ADAMTS20: variants seen among roughly 807,000 people sequenced by gnomAD.
The protein encoded by ADAMTS20 is A disintegrin and metalloproteinase with thrombospondin motifs 20.
In ADAMTS20, 225 loss-of-function variants were observed where a neutral mutation model predicts 260.1. The observed-to-expected ratio is 0.87, with a 90% CI of 0.78 to 0.97. The LOEUF is 0.97. Among genes scored for constraint, ADAMTS20 ranks in the 50% least tolerant of loss-of-function variants. The pLI is 0.00. For missense variants in ADAMTS20, 2,400 were observed against 2,337.7 expected (o/e 1.03, Z -0.55); for synonymous variants, 802 against 769.5 (o/e 1.04, Z -0.70).
At chr12:43,424,003 A>G in intron 28 of ADAMTS20, 1 of 647,452 alleles carries the variant, frequency 1.5e-6, no homozygotes, top group Non-Finnish European at 2.8e-6. Context: ...CCTGAACCAG[A>G]GCTTGACCTA....
chr12:43,527,858 A>G (rs1469797886), intron 3 of ADAMTS20, among the ~76,000 whole-genome samples: 1 of 152,128 alleles, frequency 6.6e-6, no homozygotes, highest in Non-Finnish European at 1.5e-5. Context: ...CAAGAGAAAG[A>G]AATAAAGGGC....
chr12:43,382,527 T>G (rs993661652), intron 31 of ADAMTS20, among the ~76,000 whole-genome samples: 3 of 152,090 alleles, frequency 2.0e-5, no homozygotes, highest in Admixed American at 6.6e-5. Flanking sequence ...GATATTTTTT[T>G]GGGAGTGATA....
intron 29 of ADAMTS20, among the ~76,000 whole-genome samples, chr12:43,397,642 T>C (rs1940731378): frequency 6.6e-6 from 1 of 152,098 alleles, no homozygotes; most frequent in Non-Finnish European, 1.5e-5. Flanking sequence ...ATTTACAAAA[T>C]AAAACAAGTT....
At position 43,468,706 on chromosome 12, in the gene ADAMTS20, C is replaced by A. The variant is rs749432322; in HGVS notation, c.1118-1G>T. 3.3e-6 allele frequency: 5 copies of A among 1,529,782 alleles called. No individual in the cohort carries two copies. Among genetic ancestry groups the A allele is most frequent in the Non-Finnish European group, 4.5e-6 (5 of 1,122,712 alleles). 94.8% of individuals were successfully genotyped at this position (1,529,782 alleles called of 1,614,324 possible). Reference sequence around the variant, plus strand: ...CATATGGTACCTAAATATGATAAACCTGAAAAATTTCACATTTGTATTTCA... The same window carrying A: ...CATATGGTACCTAAATATGATAAACATGAAAAATTTCACATTTGTATTTCA... On this transcript the variant is annotated splice_acceptor_variant, in intron 7 of 38. Coordinates refer to ENST00000389420, the MANE Select transcript of ADAMTS20 (RefSeq NM_025003.5). LOFTEE classifies it high-confidence loss of function.
chr12:43,404,178 G>GGCACAC (rs1940867864), intron 28 of ADAMTS20, among the ~76,000 whole-genome samples: 1 of 145,902 alleles, frequency 6.9e-6, no homozygotes, highest in African/African-American at 2.5e-5. Context: ...ATATTGTGGG[G>GGCACAC]ACACACACAC....
intron 16 of ADAMTS20, among the ~76,000 whole-genome samples, chr12:43,442,299 C>T (rs1941681219): frequency 6.6e-6 from 1 of 151,004 alleles, no homozygotes; most frequent in African/African-American, 2.4e-5. Context: ...CTCTTGTTGC[C>T]CAGGCTGGAG....
chr12:43,393,512 C>A (rs537397861), intron 29 of ADAMTS20, among the ~76,000 whole-genome samples: 14 of 152,074 alleles, frequency 9.2e-5, no homozygotes, highest in African/African-American at 3.1e-4. Flanking sequence ...ACCATTATAG[C>A]TATTGCGGAG....
intron 36 of ADAMTS20, among the ~76,000 whole-genome samples, chr12:43,369,954 TA>T (rs1235647113): frequency 6.6e-6 from 1 of 152,120 alleles, no homozygotes; most frequent in East Asian, 1.9e-4. Context: ...AGAGTCTACA[TA>T]AAGTATCAAA....
chr12:43,532,271 A>T, intron 2 of ADAMTS20, 76 bp from the exon 3 acceptor site: 1 of 1,348,932 alleles, frequency 7.4e-7, no homozygotes, highest in Non-Finnish European at 1.0e-6. Flanking sequence ...CCACAGGTTA[A>T]ATGAGCAGAC....
In ADAMTS20 at chr12:43,375,499, A is replaced by T; in HGVS notation, c.5326T>A (p.Tyr1776Asn). Residue 1776 changes from tyrosine to asparagine, a missense_variant, in exon 36 of 39, where the codon TAT becomes AAT. Coordinates refer to ENST00000389420, the MANE Select transcript of ADAMTS20 (RefSeq NM_025003.5). Reference sequence around the variant, plus strand: ...CTACTCCCATTAAAAGGACATTGATATGGATTTTTTAGTCTGTAACAACAT... The same window carrying T: ...CTACTCCCATTAAAAGGACATTGATTTGGATTTTTTAGTCTGTAACAACAT... ...EVYGFRLKNP[Y>N]QCPFNGSRRE... 6.2e-7 allele frequency: 1 copy of T among 1,613,388 alleles called. No individual in the cohort carries two copies. Among genetic ancestry groups the T allele is most frequent in the Non-Finnish European group, 8.5e-7 (1 of 1,179,536 alleles).
At chr12:43,477,731 C>A (rs756026698) in intron 7 of ADAMTS20, among the ~76,000 whole-genome samples, 70 of 152,120 alleles carry the variant, frequency 4.6e-4, no homozygotes, top group Middle Eastern at 3.4e-3. Context: ...TTTTCAAATT[C>A]TAGGCGGTAA....
At chr12:43,384,103 A>G in intron 29 of ADAMTS20, 126 bp from the exon 30 acceptor site, 1 of 876,808 alleles carries the variant, frequency 1.1e-6, no homozygotes. Flanking sequence ...TGAATTAGAT[A>G]AAAAATACAT....
At chr12:43,445,581 A>C (rs1240670215) in intron 15 of ADAMTS20, among the ~76,000 whole-genome samples, 1 of 152,130 alleles carries the variant, frequency 6.6e-6, no homozygotes, top group Non-Finnish European at 1.5e-5. Flanking sequence ...GTGGTGGTTC[A>C]TGCTTGTAAT....
At chr12:43,437,966 T>C (rs1367412541) in intron 18 of ADAMTS20, among the ~76,000 whole-genome samples, 1 of 151,956 alleles carries the variant, frequency 6.6e-6, no homozygotes, top group Non-Finnish European at 1.5e-5. Context: ...TAAGACAAAA[T>C]GTAGAGTTCT....
Position 43,468,707 on chromosome 12 carries a change from TG to T in ADAMTS20, c.1118-3del. 6.6e-7 allele frequency: 1 copy of T among 1,524,838 alleles called. No homozygotes were observed. Among genetic ancestry groups the T allele is most frequent in the East Asian group, 2.3e-5 (1 of 44,016 alleles). The allele number at this position is 1,524,838 out of a possible 1,614,324, so 94.5% of individuals were successfully genotyped here. ...ATATGGTACCTAAATATGATAAACC[TG>T]AAAAATTTCACATTTGTATTTCATC... On this transcript the variant is annotated splice_region_variant and splice_polypyrimidine_tract_variant and intron_variant, in intron 7 of 38. Coordinates refer to ENST00000389420, the MANE Select transcript of ADAMTS20 (RefSeq NM_025003.5).
At chr12:43,513,269 T>C (rs577509199) in intron 3 of ADAMTS20, among the ~76,000 whole-genome samples, 3 of 152,304 alleles carry the variant, frequency 2.0e-5, no homozygotes, top group Admixed American at 6.5e-5. Flanking sequence ...AGAGTAAATA[T>C]TTTTTATTCT....
At chr12:43,523,164 A>G (rs1440885576) in intron 3 of ADAMTS20, among the ~76,000 whole-genome samples, 1 of 152,000 alleles carries the variant, frequency 6.6e-6, no homozygotes, top group African/African-American at 2.4e-5. Flanking sequence ...CAGGAAATAC[A>G]CCCCCACCAG....
At chr12:43,422,153 C>T (rs765600790) in intron 28 of ADAMTS20, among the ~76,000 whole-genome samples, 11 of 151,948 alleles carry the variant, frequency 7.2e-5, no homozygotes, top group Non-Finnish European at 1.3e-4. Context: ...TTTTTTATTA[C>T]AGCACAAGAC....
chr12:43,448,505 G>C (rs1941803283), intron 14 of ADAMTS20, among the ~76,000 whole-genome samples: 1 of 152,116 alleles, frequency 6.6e-6, no homozygotes. Context: ...ATGGATTAAA[G>C]ACTTCAATGT....
Sources: gnomAD v4.1 joint callset for allele counts (sites outside exome capture counted in the v4.1 genomes callset) on GRCh38, gnomAD v4.1.1 for gene constraint, MANE v1.5 for transcripts, NCBI Gene and HGNC (gene_info 2026-07-23, HGNC 2026-07-21) for gene names.